C13orf42: variants seen among roughly 807,000 people sequenced by gnomAD.
The protein encoded by C13orf42 is chromosome 13 open reading frame 42.
At chr13:51,098,189 C>T (rs1953254781) in intron 1 of C13orf42, among the ~76,000 whole-genome samples, 1 of 151,992 alleles carries the variant, frequency 6.6e-6, no homozygotes, top group Non-Finnish European at 1.5e-5. Context: ...GCTTCACCAC[C>T]CTCCGGGTAC....
chr13:51,090,311 C>T (rs1953168676), intron 1 of C13orf42, among the ~76,000 whole-genome samples: 1 of 152,168 alleles, frequency 6.6e-6, no homozygotes, highest in African/African-American at 2.4e-5. Context: ...AGTTTCCATC[C>T]TCTAGGTTCC....
intron 1 of C13orf42, among the ~76,000 whole-genome samples, chr13:51,125,681 C>T (rs926623989): frequency 1.4e-5 from 2 of 146,216 alleles, no homozygotes; most frequent in African/African-American, 4.9e-5. Flanking sequence ...GTCTACGAAT[C>T]AACATCTACA....
chr13:51,143,690 G>A (rs964236509), intron 1 of C13orf42, among the ~76,000 whole-genome samples: 1 of 152,110 alleles, frequency 6.6e-6, no homozygotes, highest in Non-Finnish European at 1.5e-5. Context: ...AATATCAAGT[G>A]TTTTAAACCT....
rs563297555 is a variant in C13orf42 at position 51,107,179 on chromosome 13, T to C, written c.414+3617A>G. On this transcript the variant is annotated intron_variant, in intron 1 of 3. Coordinates refer to ENST00000563710, the MANE Select transcript of C13orf42 (RefSeq NM_001351589.3). ...CCAGGGGGCTGGGGTAACAGACCAT[T>C]TGGTACCCTGGCCTTGGATGCCATT... is the stretch of plus-strand genomic sequence containing the variant. 3.9e-5 allele frequency among the ~76,000 whole-genome samples: 6 copies of C among 152,224 alleles called. No individual in the cohort carries two copies. The East Asian group carries it at 9.7e-4, about 25-fold the overall frequency.
intron 1 of C13orf42, among the ~76,000 whole-genome samples, chr13:51,107,156 A>G (rs930537338): frequency 6.6e-6 from 1 of 152,138 alleles, no homozygotes; most frequent in African/African-American, 2.4e-5. Context: ...GGGTATCTCC[A>G]GGGGGCTGGG....
At chr13:51,169,482 G>A (rs1419955455) in intron 1 of C13orf42, among the ~76,000 whole-genome samples, 1 of 152,226 alleles carries the variant, frequency 6.6e-6, no homozygotes, top group African/African-American at 2.4e-5. Flanking sequence ...TATGTAAAGA[G>A]GAGCCAAATG....
intron 1 of C13orf42, among the ~76,000 whole-genome samples, chr13:51,169,915 A>G (rs1016200403): frequency 2.6e-5 from 4 of 152,216 alleles, no homozygotes; most frequent in African/African-American, 9.6e-5. Flanking sequence ...TGTGACTTGC[A>G]TGTATACGCC....
At chr13:51,164,195 G>C (rs1258666567) in intron 1 of C13orf42, among the ~76,000 whole-genome samples, 1 of 152,200 alleles carries the variant, frequency 6.6e-6, no homozygotes, top group East Asian at 1.9e-4. Context: ...ATGAAGTGTG[G>C]CTAGAAAGTA....
At chr13:51,144,733 T>C (rs564331558) in intron 1 of C13orf42, among the ~76,000 whole-genome samples, 1 of 152,218 alleles carries the variant, frequency 6.6e-6, no homozygotes, top group South Asian at 2.1e-4. Flanking sequence ...CCCAGATTTA[T>C]CTTGGAACCT....
intron 1 of C13orf42, among the ~76,000 whole-genome samples, chr13:51,140,155 A>G (rs895092104): frequency 4.6e-5 from 7 of 152,318 alleles, no homozygotes; most frequent in Admixed American, 4.6e-4. Flanking sequence ...TCAGAAACTC[A>G]AAAGAATGTA....
At chr13:51,138,772 A>C (rs1953675694) in intron 1 of C13orf42, among the ~76,000 whole-genome samples, 1 of 152,246 alleles carries the variant, frequency 6.6e-6, no homozygotes, top group African/African-American at 2.4e-5. Context: ...AATCCTGAAG[A>C]GATTTCCACA....
intron 1 of C13orf42, among the ~76,000 whole-genome samples, chr13:51,103,607 A>G (rs1953316309): frequency 1.3e-5 from 2 of 152,152 alleles, no homozygotes; most frequent in African/African-American, 4.8e-5. Flanking sequence ...AGGCTGAAGC[A>G]GGAGAATCAC....
intron 1 of C13orf42, among the ~76,000 whole-genome samples, chr13:51,121,155 T>C (rs1020694726): frequency 6.6e-6 from 1 of 152,162 alleles, no homozygotes; most frequent in Admixed American, 6.5e-5. Flanking sequence ...GTTGCCCTCC[T>C]GCACTCAGAA....
At chr13:51,119,893 T>C (rs1033440925) in intron 1 of C13orf42, among the ~76,000 whole-genome samples, 2 of 151,910 alleles carry the variant, frequency 1.3e-5, no homozygotes, top group Non-Finnish European at 2.9e-5. Context: ...ATGGCTAAAA[T>C]GATAAATTTA....
At chr13:51,094,506 T>C (rs1953213400) in intron 1 of C13orf42, among the ~76,000 whole-genome samples, 1 of 152,198 alleles carries the variant, frequency 6.6e-6, no homozygotes, top group African/African-American at 2.4e-5. Flanking sequence ...TTTAGACAAT[T>C]AGTTACAATT....
chr13:51,151,463 C>G (rs115689066), intron 1 of C13orf42, among the ~76,000 whole-genome samples: 478 of 152,300 alleles, frequency 3.1e-3, no homozygotes, highest in African/African-American at 0.011. Flanking sequence ...CCTGCGGACA[C>G]CTTGATTTTT....
rs979447038 is a variant in C13orf42 at position 51,082,456 on chromosome 13, T to G, written c.*1695A>C. The G allele has an allele frequency of 1.2e-3, 181 of 152,320 alleles. 1 individual carries two copies. Among genetic ancestry groups the G allele is most frequent in the African/African-American group, 4.1e-3 (171 of 41,562 alleles). The allele number at this position is 152,320 out of a possible 1,614,324, so 9.4% of individuals were successfully genotyped here. On this transcript the variant is annotated 3_prime_UTR_variant, in exon 4 of 4. Transcript: ENST00000563710. ...TTTTTTCTTATCTTTAAAAACAAAA[T>G]GTACACAGTATCTTCACCACATAAT...
At chr13:51,126,945 C>A (rs570614787) in intron 1 of C13orf42, among the ~76,000 whole-genome samples, 1 of 152,254 alleles carries the variant, frequency 6.6e-6, no homozygotes, top group East Asian at 1.9e-4. Context: ...CAGGTGGATT[C>A]TTTGAGCCAA....
In C13orf42 at chr13:51,082,434, T is replaced by G. The variant is rs955451786; in HGVS notation, c.*1717A>C. The G allele has an allele frequency of 3.3e-5, 5 of 152,236 alleles. No individual in the cohort carries two copies. The highest frequency in any genetic ancestry group is 3.3e-4 in the Admixed American group (5 of 15,292). 9.4% of individuals were successfully genotyped at this position (152,236 alleles called of 1,614,324 possible). ...AACATCCTCGCAGTCATGTTTATTT[T>G]TTCTTATCTTTAAAAACAAAATGTA... On this transcript the variant is annotated 3_prime_UTR_variant, in exon 4 of 4. Transcript: ENST00000563710.
Sources: gnomAD v4.1 joint callset for allele counts (sites outside exome capture counted in the v4.1 genomes callset) on GRCh38, gnomAD v4.1.1 for gene constraint, MANE v1.5 for transcripts, NCBI Gene and HGNC (gene_info 2026-07-23, HGNC 2026-07-21) for gene names.